The following NCKAP5 variants were observed in gnomAD, a reference collection of about 807,000 sequenced individuals.
The protein encoded by NCKAP5 is nck-associated protein 5.
NCKAP5 carries 92 observed loss-of-function variants against 167.0 expected under a neutral mutation model. The ratio of observed to expected loss-of-function variants is 0.55; its 90% CI spans 0.47 to 0.66. NCKAP5 has a LOEUF of 0.66. Ranked by LOEUF, NCKAP5 falls within the 30% of genes least tolerant of loss-of-function variation. NCKAP5 has a pLI of 0.00. For missense variants in NCKAP5, 2,378 were observed against 2,315.0 expected, an observed-to-expected ratio of 1.03 and a Z score of -0.56; for synonymous variants, 891 against 877.4, an observed-to-expected ratio of 1.02 and a Z score of -0.27.
chr2:133,621,731 T>C, the NCKAP5 span, among the ~76,000 whole-genome samples: 4 of 152,104 alleles, frequency 2.6e-5, no homozygotes, highest in South Asian at 2.1e-4. Flanking sequence ...AACAATCCTA[T>C]TGACACTGTT....
At chr2:133,591,029 T>G in the NCKAP5 span, among the ~76,000 whole-genome samples, 36 of 152,200 alleles carry the variant, frequency 2.4e-4, no homozygotes, top group East Asian at 5.8e-3. Flanking sequence ...TGTATGTATA[T>G]GAGTGTGTGT....
chr2:132,902,094 C>T (rs1320122076), intron 8 of NCKAP5, among the ~76,000 whole-genome samples: 1 of 152,172 alleles, frequency 6.6e-6, no homozygotes, highest in East Asian at 1.9e-4. Flanking sequence ...TACTGTGAAT[C>T]ACCATGATAA....
intron 11 of NCKAP5, among the ~76,000 whole-genome samples, chr2:132,815,591 T>C (rs4953996): frequency 0.041 from 6,178 of 152,302 alleles, 281 homozygotes; most frequent in East Asian, 0.13. Context: ...ATTTATTTCA[T>C]AAACCCTTTC....
At chr2:133,439,651 C>T (rs1339326484) in intron 3 of NCKAP5, among the ~76,000 whole-genome samples, 5 of 152,180 alleles carry the variant, frequency 3.3e-5, no homozygotes, top group African/African-American at 1.2e-4. Flanking sequence ...ACATACCATT[C>T]TGACCTGCCC....
intron 1 of NCKAP5, among the ~76,000 whole-genome samples, chr2:133,561,609 C>T (rs980629383): frequency 2.0e-5 from 3 of 152,112 alleles, no homozygotes; most frequent in African/African-American, 7.2e-5. Flanking sequence ...TAAACCAGAT[C>T]GTTTCTATTT....
the NCKAP5 span, among the ~76,000 whole-genome samples, chr2:133,633,746 G>A: frequency 2.6e-5 from 4 of 152,350 alleles, no homozygotes; most frequent in East Asian, 7.7e-4. Context: ...GCATAGGGCT[G>A]AGGGGGATTT....
At chr2:133,049,002 G>A (rs1006580768) in intron 6 of NCKAP5, among the ~76,000 whole-genome samples, 2 of 152,158 alleles carry the variant, frequency 1.3e-5, no homozygotes, top group African/African-American at 4.8e-5. Flanking sequence ...AACACACTAC[G>A]ATCAACCAGA....
chr2:132,995,814 A>C (rs1244790089), intron 6 of NCKAP5, among the ~76,000 whole-genome samples: 6 of 151,854 alleles, frequency 4.0e-5, no homozygotes, highest in Non-Finnish European at 4.4e-5. Context: ...ATCTTTACTA[A>C]AAATACAAAA....
intron 4 of NCKAP5, among the ~76,000 whole-genome samples, chr2:133,263,028 C>A (rs955609385): frequency 6.6e-6 from 1 of 152,106 alleles, no homozygotes; most frequent in East Asian, 1.9e-4. Flanking sequence ...ATCAGCCTCA[C>A]CTCTCTCTCA....
chr2:133,634,870 C>A, the NCKAP5 span, among the ~76,000 whole-genome samples: 1 of 148,358 alleles, frequency 6.7e-6, no homozygotes, highest in African/African-American at 2.5e-5. Flanking sequence ...TCTTTCTTTT[C>A]TTTCTTTTTT....
At position 133,297,099 on chromosome 2, in the gene NCKAP5, T is replaced by C. The variant is rs78991078; in HGVS notation, c.143+5938A>G. On this transcript the variant is annotated intron_variant, in intron 4 of 19. Coordinates refer to ENST00000409261, the MANE Select transcript of NCKAP5 (RefSeq NM_207363.3). ...TTTCTCCTAATATTAACTTTTCACA[T>C]TAGAACAAATAGAAGTACAGGAAAT... Among the ~76,000 whole-genome samples, 266 of 151,944 alleles carry C rather than the reference T, an allele frequency of 1.8e-3. 6 individuals are homozygous for C. The East Asian group carries it at 0.046, about 26-fold the overall frequency.
At chr2:132,850,835 G>C (rs910955090) in intron 11 of NCKAP5, among the ~76,000 whole-genome samples, 1 of 152,062 alleles carries the variant, frequency 6.6e-6, no homozygotes. Context: ...AAAGGGCAGA[G>C]ATTTATCAAC....
At chr2:133,470,674 G>A (rs992213063) in intron 3 of NCKAP5, among the ~76,000 whole-genome samples, 21 of 152,336 alleles carry the variant, frequency 1.4e-4, no homozygotes, top group African/African-American at 4.3e-4. Context: ...CTCCATGGGC[G>A]TAGGACCCTC....
chr2:132,975,841 C>T (rs906980236), intron 7 of NCKAP5, among the ~76,000 whole-genome samples: 2 of 152,024 alleles, frequency 1.3e-5, no homozygotes, highest in Admixed American at 6.6e-5. Flanking sequence ...AATTCAATCC[C>T]CCTTTATCCT....
intron 3 of NCKAP5, among the ~76,000 whole-genome samples, chr2:133,465,346 T>C (rs537394645): frequency 2.0e-5 from 3 of 152,100 alleles, no homozygotes; most frequent in Non-Finnish European, 4.4e-5. Flanking sequence ...ACTCATCATT[T>C]TTTATGGCTG....
intron 3 of NCKAP5, among the ~76,000 whole-genome samples, chr2:133,345,258 C>T (rs1185662026): frequency 6.6e-6 from 1 of 152,126 alleles, no homozygotes; most frequent in Non-Finnish European, 1.5e-5. Context: ...TGCTGTGCAA[C>T]CCTCCAAGTG....
chr2:132,947,584 A>G (rs1342747064), intron 8 of NCKAP5, among the ~76,000 whole-genome samples: 2 of 152,046 alleles, frequency 1.3e-5, no homozygotes, highest in Non-Finnish European at 2.9e-5. Flanking sequence ...CTTGTTTTAA[A>G]CCTTTCTATT....
intron 8 of NCKAP5, among the ~76,000 whole-genome samples, chr2:132,906,623 T>C (rs1694030167): frequency 6.6e-6 from 1 of 152,128 alleles, no homozygotes. Context: ...CCTTGCTTAG[T>C]TTGAACTTCC....
intron 6 of NCKAP5, among the ~76,000 whole-genome samples, chr2:133,121,123 G>C (rs745587335): frequency 6.6e-6 from 1 of 152,004 alleles, no homozygotes; most frequent in South Asian, 2.1e-4. Flanking sequence ...AGAAAATACC[G>C]ATGCCAGAAA....
Sources: allele counts gnomAD v4.1 joint callset (sites outside exome capture counted in the v4.1 genomes callset), GRCh38; gene constraint gnomAD v4.1.1; transcripts MANE v1.5; gene names NCBI Gene and HGNC (gene_info 2026-07-23, HGNC 2026-07-21).